ALOX12B: variants seen among roughly 807,000 people sequenced by gnomAD.
ALOX12B encodes arachidonate 12-lipoxygenase, 12R type.
In ALOX12B, 47 loss-of-function variants were observed where a neutral mutation model predicts 78.9. That is an observed-to-expected ratio of 0.60 (90% CI 0.47 to 0.76). ALOX12B has a LOEUF of 0.76. Among genes scored for constraint, ALOX12B ranks in the 30% least tolerant of loss-of-function variants. The pLI, the probability that ALOX12B is intolerant of heterozygous loss-of-function variation, is 0.00. For missense variants in ALOX12B, 805 were observed against 922.6 expected, an observed-to-expected ratio of 0.87 and a Z score of 1.65; for synonymous variants, 370 against 374.5, an observed-to-expected ratio of 0.99 and a Z score of 0.14.
Position 8,073,197 on chromosome 17 carries a change from C to T in ALOX12B, c.1877G>A (p.Cys626Tyr). Residue 626 changes from cysteine to tyrosine, a missense_variant, in exon 14 of 15, where the codon TGC becomes TAC. Cys to Tyr is a radical substitution (Grantham distance 194, BLOSUM62 -2). Coordinates refer to ENST00000647874, the MANE Select transcript of ALOX12B (RefSeq NM_001139.3). ...MDTLPDVKTT[C>Y]ITLLVLWTLS... The stretch of plus-strand genomic sequence containing the variant: ...GGTCCAGAGCACCAGCAGCGTGATG[C>T]ACGTGGTCTTCACATCCGGCAACGT... 6.2e-7 allele frequency: 1 copy of T among 1,614,202 alleles called. No homozygotes were observed. Among genetic ancestry groups the T allele is most frequent in the South Asian group, 1.1e-5 (1 of 91,084 alleles).
Position 8,077,212 on chromosome 17 carries a change from A to C in ALOX12B, c.1072-19T>G, listed in dbSNP as rs969187883. ...GGCTGAGCTAGGTGTGGTGAAAGAG[A>C]AAGGGTTGGGTGAGGGCAGAGACCC... On this transcript the variant is annotated intron_variant, in intron 8 of 14. Coordinates refer to ENST00000647874, the MANE Select transcript of ALOX12B (RefSeq NM_001139.3). The C allele has an allele frequency of 1.9e-6, 3 of 1,600,342 alleles. No homozygotes were observed. Among genetic ancestry groups the C allele is most frequent in the Non-Finnish European group, 1.7e-6 (2 of 1,173,702 alleles).
chr17:8,080,426 G>A lies in ALOX12B; in HGVS notation c.651-88C>T, dbSNP rs1042468036. 1 of 1,478,924 alleles carries A rather than the reference G, an allele frequency of 6.8e-7. No individual in the cohort carries two copies. Among genetic ancestry groups the A allele is most frequent in the Non-Finnish European group, 9.4e-7 (1 of 1,058,276 alleles). 91.6% of individuals were successfully genotyped at this position (1,478,924 alleles called of 1,614,324 possible). A position where few individuals can be genotyped will look rare whatever the true frequency, so the allele number is the denominator to read the frequency against. On this transcript the variant is annotated intron_variant, in intron 5 of 14. Coordinates refer to ENST00000647874, the MANE Select transcript of ALOX12B (RefSeq NM_001139.3). The surrounding 1 kb of genome is among the most constrained non-coding windows in gnomAD (Gnocchi z 4.8). ...TGGCGGGGCCGCCCCATCCACTTAG[G>A]TCTCTGGGTCTCAGGGTCTGTGCGT...
intron 2 of ALOX12B, 129 bp downstream of exon 2, chr17:8,085,887 G>A: frequency 9.4e-7 from 1 of 1,067,750 alleles, no homozygotes; most frequent in Non-Finnish European, 1.4e-6. Context: ...AGTGGCAGGA[G>A]AGCCCAGGAG....
chr17:8,079,358 C>G lies in ALOX12B; in HGVS notation c.1071+38G>C. On this transcript the variant is annotated intron_variant, in intron 8 of 14. Coordinates refer to ENST00000647874, the MANE Select transcript of ALOX12B (RefSeq NM_001139.3). The surrounding 1 kb of genome is among the most constrained non-coding windows in gnomAD (Gnocchi z 6.4). ...ACACTCGGAGGAGCATTCGCGCACA[C>G]AGAGGCTCAGCGGCAGCGCCGCCTG... 2 of 1,549,808 alleles carry G rather than the reference C, an allele frequency of 1.3e-6. No homozygotes were observed. Among genetic ancestry groups the G allele is most frequent in the Non-Finnish European group, 1.7e-6 (2 of 1,147,090 alleles).
rs980142154 is a variant in ALOX12B at position 8,076,762 on chromosome 17, G to A, written c.1276-19C>T. ...TGAGGAGCTGTGGGGAGAGCAAGGA[G>A]GATGAAGAGAGAGGGCTGAAGTGGC... On this transcript the variant is annotated intron_variant, in intron 9 of 14. Coordinates refer to ENST00000647874, the MANE Select transcript of ALOX12B (RefSeq NM_001139.3). 163 of 1,548,530 alleles carry A rather than the reference G, an allele frequency of 1.1e-4. No homozygotes were observed. The highest frequency in any genetic ancestry group is 1.4e-4 in the Non-Finnish European group (155 of 1,145,830).
intron 12 of ALOX12B, 64 bp downstream of exon 12, chr17:8,075,531 A>G: frequency 6.2e-7 from 1 of 1,611,126 alleles, no homozygotes; most frequent in Non-Finnish European, 8.5e-7. Context: ...GCCCTAGCAG[A>G]CCTGCCTGGG....
rs866019876 is a variant in ALOX12B, at chr17:8,080,453, G to A, written c.651-115C>T. On this transcript the variant is annotated intron_variant, in intron 5 of 14. Coordinates refer to ENST00000647874, the MANE Select transcript of ALOX12B (RefSeq NM_001139.3). This position sits in a 1 kb window ranked among gnomAD's most constrained non-coding sequence, Gnocchi z 4.8. ...CTCTGGGTCTCAGGGTCTGTGCGTCGCAAAGTCTCTGGGTCCCATGTCTCA... is the reference window on the plus strand; with the variant it reads ...CTCTGGGTCTCAGGGTCTGTGCGTCACAAAGTCTCTGGGTCCCATGTCTCA... The A allele has an allele frequency of 1.4e-6, 2 of 1,409,048 alleles. No homozygotes were observed. The highest frequency in any genetic ancestry group is 1.7e-5 in the Admixed American group (1 of 57,184). 87.3% of individuals were successfully genotyped at this position (1,409,048 alleles called of 1,614,324 possible). A position where few individuals can be genotyped will look rare whatever the true frequency, so the allele number is the denominator to read the frequency against.
intron 2 of ALOX12B, 37 bp from the exon 3 acceptor site, chr17:8,081,224 C>G: frequency 6.2e-7 from 1 of 1,603,132 alleles, no homozygotes; most frequent in South Asian, 1.1e-5. Flanking sequence ...AAGGGCTGAC[C>G]CTTGCCCCTG....
rs760407503 is a variant in ALOX12B, at chr17:8,076,332, C to T, written c.1375G>A (p.Gly459Ser). 25 of 1,604,756 alleles carry T rather than the reference C, an allele frequency of 1.6e-5. No homozygotes were observed. The highest frequency in any genetic ancestry group is 1.9e-5 in the Non-Finnish European group (22 of 1,175,586). The change falls in exon 11 of 15, where the codon GGC (glycine) becomes AGC (serine). Residue 459 changes from glycine to serine, a missense_variant. Coordinates refer to ENST00000647874, the MANE Select transcript of ALOX12B (RefSeq NM_001139.3). ...ATCACCCCAGCAAAGCCTTCCACGC[C>T]CAGGGACATGCCCTGTGAGGAAGGA... ...GGLSAKGMSL[G>S]VEGFAGVMVR...
intron 2 of ALOX12B, 96 bp from the exon 3 acceptor site, chr17:8,081,283 G>A (rs936945870): frequency 7.7e-7 from 1 of 1,295,712 alleles, no homozygotes. Flanking sequence ...GGTCGTCTCT[G>A]GGGGGGCCCA....
In ALOX12B at chr17:8,079,566, A is replaced by G; in HGVS notation, c.928-27T>C. On this transcript the variant is annotated intron_variant, in intron 7 of 14. Coordinates refer to ENST00000647874, the MANE Select transcript of ALOX12B (RefSeq NM_001139.3). The surrounding 1 kb of genome is among the most constrained non-coding windows in gnomAD (Gnocchi z 6.4). Reference sequence around the variant, plus strand: ...TGGAGGGGAGCCGCGATGGGTGGCAAGTAGGCACCCACACGGGAAGCCCGT... The same window carrying G: ...TGGAGGGGAGCCGCGATGGGTGGCAGGTAGGCACCCACACGGGAAGCCCGT... 1 of 1,549,154 alleles carries G rather than the reference A, an allele frequency of 6.5e-7. No individual in the cohort carries two copies. The highest frequency in any genetic ancestry group is 8.7e-7 in the Non-Finnish European group (1 of 1,146,278).
chr17:8,073,895 C>T lies in ALOX12B; in HGVS notation c.1655-138G>A, dbSNP rs145832700. Reference sequence around the variant, plus strand: ...CGCATCCGTACCCTCATCCTGCCTGCGTGACCCTCCTATGGCAGCAACCCC... The same window carrying T: ...CGCATCCGTACCCTCATCCTGCCTGTGTGACCCTCCTATGGCAGCAACCCC... On this transcript the variant is annotated intron_variant, in intron 12 of 14. Coordinates refer to ENST00000647874, the MANE Select transcript of ALOX12B (RefSeq NM_001139.3). The T allele has an allele frequency of 6.6e-4, 484 of 731,640 alleles. 1 individual carries two copies. In the Middle Eastern group the frequency reaches 9.6e-3, roughly 15 times the overall value. The allele number at this position is 731,640 out of a possible 1,614,324, so 45.3% of individuals were successfully genotyped here.
intron 8 of ALOX12B, among the ~76,000 whole-genome samples, chr17:8,078,818 A>C (rs1375027757): frequency 6.7e-6 from 1 of 149,156 alleles, no homozygotes; most frequent in Non-Finnish European, 1.5e-5. Context: ...AAATGTGCCC[A>C]GGCTGGACGC....
At position 8,080,060 on chromosome 17, in the gene ALOX12B, A is replaced by T; in HGVS notation, c.755-119T>A. 1 of 1,513,740 alleles carries T rather than the reference A, an allele frequency of 6.6e-7. No individual in the cohort carries two copies. Among genetic ancestry groups the T allele is most frequent in the Non-Finnish European group, 9.1e-7 (1 of 1,103,888 alleles). 93.8% of individuals were successfully genotyped at this position (1,513,740 alleles called of 1,614,324 possible). A position where few individuals can be genotyped will look rare whatever the true frequency, so the allele number is the denominator to read the frequency against. On this transcript the variant is annotated intron_variant, in intron 6 of 14. Coordinates refer to ENST00000647874, the MANE Select transcript of ALOX12B (RefSeq NM_001139.3). The surrounding 1 kb of genome is among the most constrained non-coding windows in gnomAD (Gnocchi z 4.8). ...AGTCGGGGAGGAAAACGAGGCCCCC[A>T]GCCTGGCGCTGAGCGGCCGGAGGAG...
rs1166694095 is a variant in ALOX12B at position 8,077,140 on chromosome 17, C to T, written c.1125G>A (p.Glu375=). 1.2e-6 allele frequency: 2 copies of T among 1,613,858 alleles called. No homozygotes were observed. Among genetic ancestry groups the T allele is most frequent in the Admixed American group, 1.7e-5 (1 of 60,018 alleles). ...ACGTCTTGGCTAGCAGCCAGTCCCA[C>T]TCAGAATCACTGGGCAGGAAGATGG... ...DCPIFLPSDS[E]WDWLLAKTWV... The change falls in exon 9 of 15, where the codon GAG becomes GAA. Residue 375 remains glutamate (E), a synonymous_variant. Coordinates refer to ENST00000647874, the MANE Select transcript of ALOX12B (RefSeq NM_001139.3).
rs1416691353 is a variant in ALOX12B, at chr17:8,079,058, C to A, written c.1071+338G>T. Among the ~76,000 whole-genome samples, 2 of 152,044 alleles carry A rather than the reference C, an allele frequency of 1.3e-5. No homozygotes were observed. The highest frequency in any genetic ancestry group is 2.9e-5 in the Non-Finnish European group (2 of 68,012). ...GACTACAGGCGCCCGCCACCACGCC[C>A]GGCTAAATTTTTGTATTTTTAGTAG... On this transcript the variant is annotated intron_variant, in intron 8 of 14. Coordinates refer to ENST00000647874, the MANE Select transcript of ALOX12B (RefSeq NM_001139.3). This position sits in a 1 kb window ranked among gnomAD's most constrained non-coding sequence, Gnocchi z 6.4.
Position 8,079,538 on chromosome 17 carries a change from T to G in ALOX12B, c.929A>C (p.Lys310Thr). The G allele has an allele frequency of 1.3e-6, 2 of 1,550,352 alleles. No individual in the cohort carries two copies. Among genetic ancestry groups the G allele is most frequent in the Non-Finnish European group, 1.7e-6 (2 of 1,146,820 alleles). ...GTAGTCGGCCAGGTAAATGTTCCCC[T>G]TCTGGAGGGGAGCCGCGATGGGTGG... is the stretch of plus-strand genomic sequence containing the variant. ...EGTCLQAELE[K>T]GNIYLADYRI... The change falls in exon 8 of 15, where the codon AAG becomes ACG. Residue 310 changes from lysine to threonine, a missense_variant and splice_region_variant. Coordinates refer to ENST00000647874, the MANE Select transcript of ALOX12B (RefSeq NM_001139.3). The surrounding 1 kb of genome is among the most constrained non-coding windows in gnomAD (Gnocchi z 6.4).
chr17:8,080,670 C>A lies in ALOX12B; in HGVS notation c.638G>T (p.Arg213Leu), dbSNP rs746859791. Residue 213 changes from arginine (R) to leucine (L), a missense_variant, in exon 5 of 15, where the codon CGC becomes CTC. By Grantham distance (102) the Arg-to-Leu change is moderately radical. Transcript: ENST00000647874. The surrounding 1 kb of genome is among the most constrained non-coding windows in gnomAD (Gnocchi z 4.8). ...CACACGGACTCACATGGGCCCCAGG[C>A]GGACGAAGAAGGAGGCCGTCTTGAG... is the stretch of plus-strand genomic sequence containing the variant. ...SFLKTASFFV[R>L]LGPMALAFKV... 3 of 1,613,972 alleles carry A rather than the reference C, an allele frequency of 1.9e-6. No individual in the cohort carries two copies. Among genetic ancestry groups the A allele is most frequent in the East Asian group, 2.2e-5 (1 of 44,888 alleles).
intron 2 of ALOX12B, 47 bp downstream of exon 2, chr17:8,085,969 C>G: frequency 6.2e-7 from 1 of 1,604,762 alleles, no homozygotes; most frequent in Non-Finnish European, 8.5e-7. Flanking sequence ...CAGGCTGGAG[C>G]TAGAGGCCTC....
Sources: gnomAD v4.1 joint callset for allele counts (sites outside exome capture counted in the v4.1 genomes callset) on GRCh38, gnomAD v4.1.1 for gene constraint, Gnocchi (gnomAD v3.1) non-coding constraint, MANE v1.5 for transcripts, NCBI Gene and HGNC (gene_info 2026-07-23, HGNC 2026-07-21) for gene names.